Variants in DGKB observed in about 807,000 individuals in gnomAD.
The protein encoded by DGKB is diacylglycerol kinase beta, also known as 90 kDa diacylglycerol kinase.
In DGKB, 67 loss-of-function variants were observed where a neutral mutation model predicts 114.3. The observed-to-expected ratio is 0.59, with a 90% CI of 0.48 to 0.72. DGKB has a LOEUF of 0.72. Ranked by LOEUF, DGKB falls within the 30% of genes least tolerant of loss-of-function variation. The pLI, the probability that DGKB is intolerant of heterozygous loss-of-function variation, is 0.00. For synonymous variants in DGKB, 398 were observed against 323.1 expected, an observed-to-expected ratio of 1.23 and a Z score of -2.49; for missense variants, 907 against 975.2, an observed-to-expected ratio of 0.93 and a Z score of 0.93.
intron 1 of DGKB, among the ~76,000 whole-genome samples, chr7:14,928,438 A>G (rs1260805210): frequency 2.0e-5 from 3 of 151,942 alleles, no homozygotes; most frequent in Non-Finnish European, 2.9e-5. Flanking sequence ...CTGATCACAC[A>G]TATTTTTATG....
chr7:14,764,230 T>C (rs910454690), intron 2 of DGKB, among the ~76,000 whole-genome samples: 2 of 151,944 alleles, frequency 1.3e-5, no homozygotes, highest in African/African-American at 4.8e-5. Flanking sequence ...GACGCATTAA[T>C]GCTAAGTATT....
intron 21 of DGKB, among the ~76,000 whole-genome samples, chr7:14,470,839 A>G (rs1781174409): frequency 6.6e-6 from 1 of 151,654 alleles, no homozygotes; most frequent in Non-Finnish European, 1.5e-5. Context: ...AACAGAATAT[A>G]TCATCATGAT....
In DGKB at chr7:14,685,365, G is replaced by T; in HGVS notation, c.712-3C>A. The T allele has an allele frequency of 1.2e-6, 2 of 1,602,416 alleles. No homozygotes were observed. The highest frequency in any genetic ancestry group is 1.3e-5 in the African/African-American group (1 of 74,782). ...TGCTGTCCATCATCCTTCACGTTCT[G>T]CATGGGACGTAAGAGAAACAGATTT... On this transcript the variant is annotated splice_region_variant and splice_polypyrimidine_tract_variant and intron_variant, in intron 9 of 25. Transcript: ENST00000402815.
At chr7:14,334,119 T>C (rs1017786444) in intron 23 of DGKB, among the ~76,000 whole-genome samples, 3 of 152,158 alleles carry the variant, frequency 2.0e-5, no homozygotes, top group Non-Finnish European at 1.5e-5. Context: ...CATCACTTTG[T>C]TTTCATGTCC....
intron 25 of DGKB, among the ~76,000 whole-genome samples, chr7:14,172,164 G>T (rs1190985831): frequency 1.3e-5 from 2 of 152,130 alleles, no homozygotes; most frequent in Non-Finnish European, 2.9e-5. Flanking sequence ...GGACAAGAGG[G>T]AAGCGCATGA....
intron 23 of DGKB, among the ~76,000 whole-genome samples, chr7:14,251,153 C>A (rs1309258088): frequency 1.3e-5 from 2 of 152,084 alleles, no homozygotes; most frequent in Non-Finnish European, 2.9e-5. Flanking sequence ...TAGGACAGGA[C>A]TTCCCACTGT....
chr7:14,263,514 T>C (rs536120404), intron 23 of DGKB, among the ~76,000 whole-genome samples: 13 of 152,320 alleles, frequency 8.5e-5, no homozygotes, highest in African/African-American at 2.9e-4. Flanking sequence ...GTACATGACA[T>C]GCTCTCCTTA....
At chr7:14,157,257 A>T (rs1211146922) in intron 25 of DGKB, among the ~76,000 whole-genome samples, 4 of 151,618 alleles carry the variant, frequency 2.6e-5, no homozygotes, top group Non-Finnish European at 5.9e-5. Context: ...TTTTGAATTC[A>T]TGTGTGTAGC....
intron 1 of DGKB, among the ~76,000 whole-genome samples, chr7:14,942,131 ATTAGGCAAAACAATTTGT>A (rs1785601444): frequency 6.6e-6 from 1 of 150,782 alleles, no homozygotes; most frequent in Non-Finnish European, 1.5e-5. Flanking sequence ...TTTTTTTTAG[ATTAGGCAAAACAATTTGT>A]TTAATTAAGG....
intron 23 of DGKB, among the ~76,000 whole-genome samples, chr7:14,237,669 T>C (rs1329048265): frequency 6.6e-6 from 1 of 151,974 alleles, no homozygotes; most frequent in Non-Finnish European, 1.5e-5. Flanking sequence ...AGCAACAAAA[T>C]AGTTTATGTA....
chr7:14,699,234 T>A, intron 7 of DGKB, among the ~76,000 whole-genome samples: 1 of 152,130 alleles, frequency 6.6e-6, no homozygotes, highest in South Asian at 2.1e-4. Context: ...TTTTAAAACA[T>A]AAATCCCTTT....
intron 13 of DGKB, among the ~76,000 whole-genome samples, chr7:14,672,386 A>T (rs1170540334): frequency 6.6e-6 from 1 of 151,940 alleles, no homozygotes; most frequent in East Asian, 1.9e-4. Context: ...TTACTCATGC[A>T]TTTTCATTTC....
intron 15 of DGKB, among the ~76,000 whole-genome samples, chr7:14,620,094 C>G (rs764637339): frequency 6.6e-6 from 1 of 151,064 alleles, no homozygotes; most frequent in African/African-American, 2.4e-5. Flanking sequence ...AATTTTTTTG[C>G]TAATAAAATT....
intron 20 of DGKB, among the ~76,000 whole-genome samples, chr7:14,520,761 G>A (rs1789637979): frequency 1.3e-5 from 2 of 151,992 alleles, no homozygotes; most frequent in African/African-American, 4.8e-5. Context: ...AATAGAAAAT[G>A]TTCCACAAGT....
chr7:14,818,377 C>T (rs1254756828), intron 2 of DGKB, among the ~76,000 whole-genome samples: 1 of 152,244 alleles, frequency 6.6e-6, no homozygotes, highest in Non-Finnish European at 1.5e-5. Context: ...AATCTTGAAC[C>T]AGCAGGCTCT....
chr7:14,346,593 G>T (rs1438765609), intron 21 of DGKB, among the ~76,000 whole-genome samples: 1 of 151,938 alleles, frequency 6.6e-6, no homozygotes, highest in Non-Finnish European at 1.5e-5. Context: ...ATTTGACTTA[G>T]TTTATGGCCT....
At chr7:14,387,188 C>G (rs1351501589) in intron 21 of DGKB, among the ~76,000 whole-genome samples, 1 of 151,630 alleles carries the variant, frequency 6.6e-6, no homozygotes, top group Non-Finnish European at 1.5e-5. Context: ...CTTTGGGAGG[C>G]CAAGTTGCGT....
At position 14,170,155 on chromosome 7, in the gene DGKB, AAGAAAGAAAG is replaced by A. The variant is rs1172300126; in HGVS notation, c.2304+6674_2304+6683del. Among the ~76,000 whole-genome samples, 434 of 74,376 alleles carry A rather than the reference AAGAAAGAAAG, an allele frequency of 5.8e-3. 27 individuals carry two copies. The highest frequency in any genetic ancestry group is 0.037 in the African/African-American group (416 of 11,228). The allele number at this position is 74,376 out of a possible 152,430, so 48.8% of individuals were successfully genotyped here. A position where few individuals can be genotyped will look rare whatever the true frequency, so the allele number is the denominator to read the frequency against. On this transcript the variant is annotated intron_variant, in intron 25 of 25. Transcript: ENST00000402815. ...ATCTCAAAAAAAAAAAAAAGAAAGAAAGAAAGAAAGAAAGAAAGAAAGAAAGAAAGAAAGA... is the reference window on the plus strand; with the variant it reads ...ATCTCAAAAAAAAAAAAAAGAAAGAAAAAGAAAGAAAGAAAGAAAGAAAGA...
chr7:14,844,346 T>C (rs756257688), intron 1 of DGKB, among the ~76,000 whole-genome samples: 1 of 152,182 alleles, frequency 6.6e-6, no homozygotes, highest in Non-Finnish European at 1.5e-5. Context: ...CCACATAAAC[T>C]AGACAGGGGT....
Sources: gnomAD v4.1 joint callset for allele counts (sites outside exome capture counted in the v4.1 genomes callset) on GRCh38, gnomAD v4.1.1 for gene constraint, MANE v1.5 for transcripts, NCBI Gene and HGNC (gene_info 2026-07-23, HGNC 2026-07-21) for gene names.